The following HEG1 variants were observed in gnomAD, a reference collection of about 807,000 sequenced individuals.
HEG1 encodes protein HEG homolog 1.
In HEG1, 56 loss-of-function variants were observed where a neutral mutation model predicts 125.6. That is an observed-to-expected ratio of 0.45 (90% CI 0.36 to 0.56). The LOEUF is 0.56. HEG1 is among the 20% of genes least tolerant of loss of function. The probability of loss-of-function intolerance (pLI) is 0.00; values close to 1 mark genes in which losing one functional copy is unlikely to be tolerated. For missense variants in HEG1, 1,523 were observed against 1,670.0 expected, an observed-to-expected ratio of 0.91 and a Z score of 1.53; for synonymous variants, 644 against 668.5, an observed-to-expected ratio of 0.96 and a Z score of 0.57.
At chr3:125,022,795 T>C (rs1285130050) in intron 3 of HEG1, among the ~76,000 whole-genome samples, 1 of 152,188 alleles carries the variant, frequency 6.6e-6, no homozygotes, top group Non-Finnish European at 1.5e-5. Flanking sequence ...GAGTCATCAT[T>C]TATATCCACC....
intron 1 of HEG1, among the ~76,000 whole-genome samples, chr3:125,049,531 A>C (rs1208032287): frequency 6.6e-6 from 1 of 152,206 alleles, no homozygotes; most frequent in Admixed American, 6.5e-5. Flanking sequence ...AACCATCCAC[A>C]GAATACTTCC....
At chr3:124,973,581 T>A (rs1936483264) in intron 16 of HEG1, 150 bp downstream of exon 16, 1 of 572,104 alleles carries the variant, frequency 1.7e-6, no homozygotes, top group East Asian at 2.9e-5. Context: ...GCAAATAGAC[T>A]GTAGGTAAAC....
chr3:125,031,065 G>A (rs1462691384), intron 1 of HEG1, among the ~76,000 whole-genome samples: 1 of 152,188 alleles, frequency 6.6e-6, no homozygotes, highest in African/African-American at 2.4e-5. Flanking sequence ...AATGTTCTGA[G>A]GATGAAGTTA....
chr3:124,992,220 C>G (rs1936846363), intron 12 of HEG1, among the ~76,000 whole-genome samples: 1 of 152,142 alleles, frequency 6.6e-6, no homozygotes, highest in African/African-American at 2.4e-5. Context: ...TGCCCAAGAA[C>G]AGAACTTTGA....
rs774358548 is a variant in HEG1 at position 124,988,646 on chromosome 3, C to G, written c.3733+2141G>C. Among the ~76,000 whole-genome samples, 14 of 152,102 alleles carry G rather than the reference C, an allele frequency of 9.2e-5. 1 individual carries two copies. The highest frequency in any genetic ancestry group is 2.6e-4 in the Admixed American group (4 of 15,270). ...TTAAAAAACAAACATCGGCCGGGCA[C>G]GGTGGCTCACGCCTGGAATCCCAGC... On this transcript the variant is annotated intron_variant, in intron 14 of 16. Transcript: ENST00000311127.
intron 16 of HEG1, among the ~76,000 whole-genome samples, chr3:124,973,004 G>C (rs11918449): frequency 6.8e-6 from 1 of 146,318 alleles, no homozygotes; most frequent in South Asian, 2.2e-4. Context: ...TGTTGTTGTT[G>C]TTTATTATTG....
chr3:125,008,808 A>C (rs1303701328), intron 8 of HEG1, among the ~76,000 whole-genome samples: 1 of 83,084 alleles, frequency 1.2e-5, no homozygotes, highest in African/African-American at 4.5e-5. Flanking sequence ...AAAAAAACAA[A>C]AAACAAAAAA....
In HEG1 at chr3:124,966,469, G is replaced by A. The variant is rs1477363443; in HGVS notation, c.*4183C>T. On this transcript the variant is annotated 3_prime_UTR_variant, in exon 17 of 17. Coordinates refer to ENST00000311127, the MANE Select transcript of HEG1 (RefSeq NM_020733.2). ...AAGAAAAAAAGAAAACATACCCAAA[G>A]GCAAACTCTACAAAACCAGTATCTC... The A allele has an allele frequency of 6.6e-6, 1 of 152,060 alleles. No homozygotes were observed. The highest frequency in any genetic ancestry group is 1.5e-5 in the Non-Finnish European group (1 of 68,006). 9.4% of individuals were successfully genotyped at this position (152,060 alleles called of 1,614,324 possible). A position where few individuals can be genotyped will look rare whatever the true frequency, so the allele number is the denominator to read the frequency against.
chr3:124,984,758 TC>T (rs1936711355), intron 14 of HEG1, among the ~76,000 whole-genome samples: 1 of 150,932 alleles, frequency 6.6e-6, no homozygotes, highest in Non-Finnish European at 1.5e-5. Flanking sequence ...AAACTCCGTC[TC>T]AAAAAAAACC....
chr3:125,020,474 C>T (rs1937318222), intron 4 of HEG1, among the ~76,000 whole-genome samples: 2 of 152,130 alleles, frequency 1.3e-5, no homozygotes, highest in Non-Finnish European at 1.5e-5. Flanking sequence ...GCTTGAAGAC[C>T]ATCCTGTAGA....
At chr3:124,994,423 A>G (rs1420212954) in intron 12 of HEG1, among the ~76,000 whole-genome samples, 2 of 152,250 alleles carry the variant, frequency 1.3e-5, no homozygotes, top group African/African-American at 2.4e-5. Flanking sequence ...ATATATTCCC[A>G]AACTGGGCTT....
rs373729034 is a variant in HEG1 at position 125,002,778 on chromosome 3, CA to C, written c.3298-464del. Among the ~76,000 whole-genome samples, 55 of 152,294 alleles carry C rather than the reference CA, an allele frequency of 3.6e-4. 1 individual carries two copies. In the East Asian group the frequency reaches 7.9e-3, roughly 22 times the overall value. ...ACCTAACTCAAAGACAGGTCTTCTT[CA>C]AAAAGGCTCTCCGTGAGAAATTACA... On this transcript the variant is annotated intron_variant, in intron 9 of 16. Coordinates refer to ENST00000311127, the MANE Select transcript of HEG1 (RefSeq NM_020733.2).
At chr3:124,987,523 C>CTTTTTTTTT (rs1204657705) in intron 14 of HEG1, among the ~76,000 whole-genome samples, 4 of 136,186 alleles carry the variant, frequency 2.9e-5, no homozygotes, top group Admixed American at 7.4e-5. Flanking sequence ...TTCTTTTTTT[C>CTTTTTTTTT]TTTTTTTTTT....
intron 5 of HEG1, among the ~76,000 whole-genome samples, chr3:125,016,867 T>A (rs1181205812): frequency 6.6e-6 from 1 of 152,222 alleles, no homozygotes; most frequent in Non-Finnish European, 1.5e-5. Flanking sequence ...TAAAAAATTA[T>A]CCCTAAGCAT....
intron 1 of HEG1, among the ~76,000 whole-genome samples, chr3:125,050,029 G>T (rs1937768111): frequency 1.3e-5 from 2 of 151,990 alleles, no homozygotes; most frequent in African/African-American, 4.8e-5. Flanking sequence ...AGCCTAACTG[G>T]CCTCTTCAAG....
intron 12 of HEG1, among the ~76,000 whole-genome samples, chr3:124,996,146 G>A (rs188910989): frequency 6.1e-4 from 93 of 151,652 alleles, no homozygotes; most frequent in Admixed American, 2.4e-3. Flanking sequence ...GTGCAATGGT[G>A]TGATTTCGGC....
In HEG1 at chr3:125,027,376, C is replaced by A; in HGVS notation, c.742G>T (p.Val248Leu). The A allele has an allele frequency of 1.2e-6, 2 of 1,614,012 alleles. No individual in the cohort carries two copies. Among genetic ancestry groups the A allele is most frequent in the Non-Finnish European group, 1.7e-6 (2 of 1,179,894 alleles). ...RAMGLSEEWT[V>L]HSQEATTSAW... ...GAAGTGGTGGCCTCTTGGCTGTGCA[C>A]AGTCCATTCTTCTGACAGCCCCATC... Residue 248 changes from valine to leucine, a missense_variant, in exon 3 of 17, where the codon GTG becomes TTG. Val to Leu is a conservative substitution (Grantham distance 32). Transcript: ENST00000311127.
intron 1 of HEG1, among the ~76,000 whole-genome samples, chr3:125,051,987 C>A (rs1278494906): frequency 6.6e-6 from 1 of 152,180 alleles, no homozygotes; most frequent in Non-Finnish European, 1.5e-5. Flanking sequence ...TTCAGTCTCC[C>A]TCAGTCCACA....
chr3:125,008,798 AAAAAAAC>A (rs909507697), intron 8 of HEG1, among the ~76,000 whole-genome samples: 24 of 81,650 alleles, frequency 2.9e-4, no homozygotes, highest in South Asian at 1.8e-3. Context: ...CTCCGTCTCA[AAAAAAAC>A]AAAAAACAAA....
Sources: allele counts gnomAD v4.1 joint callset (sites outside exome capture counted in the v4.1 genomes callset), GRCh38; gene constraint gnomAD v4.1.1; transcripts MANE v1.5; gene names NCBI Gene and HGNC (gene_info 2026-07-23, HGNC 2026-07-21).